TLR2: variants seen among roughly 807,000 people sequenced by gnomAD.
TLR2 encodes toll like receptor 2.
In TLR2, 7 loss-of-function variants were observed where a neutral mutation model predicts 9.1. That is an observed-to-expected ratio of 0.77 (90% CI 0.44 to 1.44). The LOEUF is 1.44. Among genes scored for constraint, TLR2 ranks in the 40% most tolerant of loss-of-function variants. The pLI is 0.01. For synonymous variants in TLR2, 317 were observed against 344.6 expected (o/e 0.92, Z 0.89); for missense variants, 812 against 904.6 (o/e 0.90, Z 1.31).
In TLR2 at chr4:153,706,030, C is replaced by T. The variant is rs1737311795; in HGVS notation, c.*768C>T. On this transcript the variant is annotated 3_prime_UTR_variant, in exon 3 of 3. Transcript: ENST00000642700. ...AAAGTATTTGGGGCACTCCCCAAAA[C>T]TTGTTGCTATTCCTAGAAAAAAGTG... is the stretch of plus-strand genomic sequence containing the variant. Among the ~76,000 whole-genome samples, 1 of 152,194 alleles carries T rather than the reference C, an allele frequency of 6.6e-6. No individual in the cohort carries two copies. The highest frequency in any genetic ancestry group is 1.5e-5 in the Non-Finnish European group (1 of 68,020).
At position 153,703,749 on chromosome 4, in the gene TLR2, A is replaced by G; in HGVS notation, c.842A>G (p.Glu281Gly). ...KLLNQISGLL[E>G]LEFDDCTLNG... The stretch of plus-strand genomic sequence containing the variant: ...TTGAATCAGATTTCTGGATTGTTAG[A>G]ATTAGAGTTTGATGACTGTACCCTT... The change falls in exon 3 of 3, where the codon GAA becomes GGA. Residue 281 changes from glutamate to glycine, a missense_variant. Glu to Gly is a moderately conservative substitution (Grantham distance 98). Coordinates refer to ENST00000642700, the MANE Select transcript of TLR2 (RefSeq NM_001318789.2). 1.2e-6 allele frequency: 2 copies of G among 1,613,918 alleles called. No individual in the cohort carries two copies. Among genetic ancestry groups the G allele is most frequent in the Non-Finnish European group, 1.7e-6 (2 of 1,179,920 alleles).
At chr4:153,697,500 A>G (rs1291956836) in intron 2 of TLR2, among the ~76,000 whole-genome samples, 2 of 152,158 alleles carry the variant, frequency 1.3e-5, no homozygotes, top group Non-Finnish European at 2.9e-5. Context: ...GTCTTTTACC[A>G]ATCACTCTAG....
chr4:153,699,856 T>C (rs1305975725), intron 2 of TLR2, among the ~76,000 whole-genome samples: 1 of 152,214 alleles, frequency 6.6e-6, no homozygotes, highest in Non-Finnish European at 1.5e-5. Context: ...ATACAAAATT[T>C]AATTGAATTT....
chr4:153,704,853 A>C lies in TLR2; in HGVS notation c.1946A>C (p.Glu649Ala). 6.2e-7 allele frequency: 1 copy of C among 1,613,898 alleles called. No individual in the cohort carries two copies. Residue 649 changes from glutamate (E) to alanine (A), a missense_variant, in exon 3 of 3, where the codon GAG becomes GCG. Coordinates refer to ENST00000642700, the MANE Select transcript of TLR2 (RefSeq NM_001318789.2). ...TATGATGCATTTGTTTCTTACAGTG[A>C]GCGGGATGCCTACTGGGTGGAGAAC... is the stretch of plus-strand genomic sequence containing the variant. ...ICYDAFVSYS[E>A]RDAYWVENLM...
rs116612623 is a variant in TLR2 at position 153,697,348 on chromosome 4, A to C, written c.-16-5544A>C. ...TGCTAAGTAATTGGCCTAGGAAATG[A>C]AGATTCTGTGTTTTATTGAGATAAT... is the stretch of plus-strand genomic sequence containing the variant. On this transcript the variant is annotated intron_variant, in intron 2 of 2. Transcript: ENST00000642700. Among the ~76,000 whole-genome samples the C allele has an allele frequency of 5.0e-3, 760 of 152,270 alleles. 7 individuals are homozygous for C. The highest frequency in any genetic ancestry group is 0.018 in the African/African-American group (729 of 41,572).
downstream of TLR2, among the ~76,000 whole-genome samples, chr4:153,706,343 G>A (rs187679827): frequency 6.6e-6 from 1 of 152,154 alleles, no homozygotes; most frequent in African/African-American, 2.4e-5. Context: ...CTGACTCTCA[G>A]TTCCTGTTTT....
At chr4:153,685,501 G>T (rs1248173668) in intron 1 of TLR2, among the ~76,000 whole-genome samples, 1 of 152,132 alleles carries the variant, frequency 6.6e-6, no homozygotes, top group Non-Finnish European at 1.5e-5. Context: ...TGAAGGGACA[G>T]ACCAAACAAA....
intron 2 of TLR2, among the ~76,000 whole-genome samples, chr4:153,690,620 T>G (rs1047955649): frequency 6.6e-6 from 1 of 152,224 alleles, no homozygotes; most frequent in Admixed American, 6.5e-5. Context: ...TTGCTAAAGA[T>G]AATTAGGTTC....
In TLR2 at chr4:153,705,715, C is replaced by A. The variant is rs911149161; in HGVS notation, c.*453C>A. 6.0e-6 allele frequency: 1 copy of A among 166,704 alleles called. No homozygotes were observed. Among genetic ancestry groups the A allele is most frequent in the Non-Finnish European group, 1.5e-5 (1 of 68,130 alleles). The allele number at this position is 166,704 out of a possible 1,614,324, so 10.3% of individuals were successfully genotyped here. The stretch of plus-strand genomic sequence containing the variant: ...AATACTATGTAAATAGTTGTACTGT[C>A]TTTTTATTTATATTATTATTGTTAT... On this transcript the variant is annotated 3_prime_UTR_variant, in exon 3 of 3. Transcript: ENST00000642700.
chr4:153,707,363 C>T (rs1040317216), downstream of TLR2, among the ~76,000 whole-genome samples: 1 of 151,944 alleles, frequency 6.6e-6, no homozygotes, highest in Non-Finnish European at 1.5e-5. Context: ...GCCTGGGAAA[C>T]ATGGCAAAAC....
chr4:153,696,672 T>C (rs945693345), intron 2 of TLR2, among the ~76,000 whole-genome samples: 50 of 152,206 alleles, frequency 3.3e-4, no homozygotes, highest in African/African-American at 1.2e-3. Flanking sequence ...CTTCTAGTAA[T>C]TACAGTTCAT....
downstream of TLR2, chr4:153,710,107 G>C: frequency 3.6e-6 from 1 of 276,460 alleles, no homozygotes; most frequent in Non-Finnish European, 6.8e-6. Context: ...GAAGTAGAAT[G>C]TCCACAGTGC....
At position 153,704,990 on chromosome 4, in the gene TLR2, A is replaced by G. The variant is rs751959318; in HGVS notation, c.2083A>G (p.Lys695Glu). Residue 695 changes from lysine (K) to glutamate (E), a missense_variant, in exon 3 of 3, where the codon AAG (lysine) becomes GAG (glutamate). By Grantham distance (56) the Lys-to-Glu change is moderately conservative. Transcript: ENST00000642700. ...IIDNIIDSIE[K>E]SHKTVFVLSE... ...TGACAATATCATTGACTCCATTGAA[A>G]AGAGCCACAAAACTGTCTTTGTGCT... The G allele has an allele frequency of 6.2e-6, 10 of 1,613,258 alleles. No homozygotes were observed. The highest frequency in any genetic ancestry group is 2.7e-5 in the African/African-American group (2 of 74,878).
chr4:153,692,995 C>T (rs1736227846), intron 2 of TLR2, among the ~76,000 whole-genome samples: 1 of 152,218 alleles, frequency 6.6e-6, no homozygotes, highest in Non-Finnish European at 1.5e-5. Flanking sequence ...TTGATTCACC[C>T]AATAAGCTGC....
At chr4:153,691,790 GTA>G (rs1475512607) in intron 2 of TLR2, among the ~76,000 whole-genome samples, 1 of 152,092 alleles carries the variant, frequency 6.6e-6, no homozygotes, top group Admixed American at 6.5e-5. Context: ...TGATCCCTAC[GTA>G]TAGTTACTTT....
chr4:153,708,684 C>T (rs1737408040), downstream of TLR2, among the ~76,000 whole-genome samples: 1 of 152,156 alleles, frequency 6.6e-6, no homozygotes, highest in Admixed American at 6.5e-5. Context: ...CAAGGTCCAG[C>T]ACAGAAGCCT....
chr4:153,709,472 C>G (rs1737433923), downstream of TLR2, among the ~76,000 whole-genome samples: 1 of 152,182 alleles, frequency 6.6e-6, no homozygotes, highest in Non-Finnish European at 1.5e-5. Flanking sequence ...CTTCTCTATT[C>G]AGTTAATTTT....
chr4:153,706,210 T>G lies in TLR2; in HGVS notation c.*948T>G, dbSNP rs1442817442. Among the ~76,000 whole-genome samples, 2 of 152,218 alleles carry G rather than the reference T, an allele frequency of 1.3e-5. No individual in the cohort carries two copies. Among genetic ancestry groups the G allele is most frequent in the Non-Finnish European group, 2.9e-5 (2 of 68,034 alleles). ...AGTGCAAGGTACAGTAAATTATGTA[T>G]TTCTGTAATTTAACAAAATAAATAC... On this transcript the variant is annotated 3_prime_UTR_variant, in exon 3 of 3. Transcript: ENST00000642700.
chr4:153,702,894 T>C lies in TLR2; in HGVS notation c.-14T>C, dbSNP rs1737008489. 1.3e-6 allele frequency: 2 copies of C among 1,581,028 alleles called. No individual in the cohort carries two copies. Among genetic ancestry groups the C allele is most frequent in the Non-Finnish European group, 8.6e-7 (1 of 1,163,398 alleles). On this transcript the variant is annotated splice_region_variant and 5_prime_UTR_variant, in exon 3 of 3. Coordinates refer to ENST00000642700, the MANE Select transcript of TLR2 (RefSeq NM_001318789.2). ...ATTTGAACCTCTTTTATTTGTAGGT[T>C]GAAGCACTGGACAATGCCACATACT...
Sources: gnomAD v4.1 joint callset for allele counts (sites outside exome capture counted in the v4.1 genomes callset) on GRCh38, gnomAD v4.1.1 for gene constraint, MANE v1.5 for transcripts, NCBI Gene and HGNC (gene_info 2026-07-23, HGNC 2026-07-21) for gene names.